The following ZNF717 variants were observed in gnomAD, a reference collection of about 807,000 sequenced individuals.
The protein encoded by ZNF717 is krueppel-like factor X17.
In ZNF717, 9 loss-of-function variants were observed where a neutral mutation model predicts 13.8. That is an observed-to-expected ratio of 0.65 (90% CI 0.39 to 1.14). The LOEUF is 1.14. ZNF717 is among the 50% of genes most tolerant of loss of function. The probability of loss-of-function intolerance (pLI) is 0.01; values close to 1 mark genes in which losing one functional copy is unlikely to be tolerated. For missense variants in ZNF717, 1,040 were observed against 1,080.7 expected (o/e 0.96, Z 0.53); for synonymous variants, 327 against 364.1 (o/e 0.90, Z 1.16).
intron 4 of ZNF717, among the ~76,000 whole-genome samples, chr3:75,722,195 G>A (rs370200378): frequency 1.3e-5 from 2 of 152,110 alleles, no homozygotes; most frequent in Non-Finnish European, 2.9e-5. Context: ...AGGAGGTGGA[G>A]GTCGCAGTGA....
At chr3:75,713,772 A>T (rs3009064) in intron 5 of ZNF717, among the ~76,000 whole-genome samples, 1 of 151,818 alleles carries the variant, frequency 6.6e-6, no homozygotes, top group Admixed American at 6.5e-5. Flanking sequence ...AAGAAAAGAC[A>T]GCTGGGCCCA....
downstream of ZNF717, among the ~76,000 whole-genome samples, chr3:75,729,586 G>A (rs376382351): frequency 7.4e-6 from 1 of 135,678 alleles, no homozygotes; most frequent in East Asian, 2.3e-4. Flanking sequence ...TTGCACTCCA[G>A]CCTGGGTGAC....
chr3:75,764,090 T>G (rs1312286671), intron 2 of ZNF717, among the ~76,000 whole-genome samples: 3 of 152,186 alleles, frequency 2.0e-5, no homozygotes, highest in African/African-American at 7.2e-5. Context: ...GATTCCCAGA[T>G]ATAGATGGAA....
downstream of ZNF717, among the ~76,000 whole-genome samples, chr3:75,706,790 T>C (rs1309280912): frequency 4.6e-5 from 7 of 152,268 alleles, no homozygotes; most frequent in Middle Eastern, 3.4e-3. Context: ...AGTATTAACT[T>C]CATATTAGGT....
intron 2 of ZNF717, among the ~76,000 whole-genome samples, chr3:75,759,405 A>G (rs1280518782): frequency 2.0e-5 from 3 of 151,078 alleles, no homozygotes; most frequent in Admixed American, 6.6e-5. Context: ...CCTCCGGAGT[A>G]GCTGGAAGTA....
At chr3:75,723,873 G>A (rs1162996753) in intron 4 of ZNF717, among the ~76,000 whole-genome samples, 2 of 152,176 alleles carry the variant, frequency 1.3e-5, no homozygotes, top group African/African-American at 4.8e-5. Context: ...TTTTGTGGAA[G>A]GCAACATCAG....
chr3:75,712,737 T>C (rs1321768441), intron 5 of ZNF717, among the ~76,000 whole-genome samples: 2 of 152,214 alleles, frequency 1.3e-5, no homozygotes, highest in African/African-American at 4.8e-5. Flanking sequence ...TCAATAACTT[T>C]CTTCACATCT....
intron 4 of ZNF717, among the ~76,000 whole-genome samples, chr3:75,724,060 C>T (rs141189213): frequency 5.3e-5 from 8 of 151,962 alleles, no homozygotes; most frequent in Non-Finnish European, 1.5e-5. Context: ...GAAATAATGG[C>T]GTAAGCTGTC....
chr3:75,747,309 G>C (rs556642285), intron 2 of ZNF717, among the ~76,000 whole-genome samples: 1 of 152,268 alleles, frequency 6.6e-6, no homozygotes, highest in South Asian at 2.1e-4. Context: ...CTCCAGCTTT[G>C]TTCTTTTGGC....
Position 75,737,863 on chromosome 3 carries a change from C to T in ZNF717, c.1760G>A (p.Gly587Asp). The T allele has an allele frequency of 1.3e-6, 2 of 1,546,494 alleles. No homozygotes were observed. Among genetic ancestry groups the T allele is most frequent in the Non-Finnish European group, 1.7e-6 (2 of 1,143,592 alleles). The change falls in exon 5 of 5, where the codon GGC (glycine) becomes GAC (aspartate). Residue 587 changes from glycine to aspartate, a missense_variant. By Grantham distance (94) the Gly-to-Asp change is moderately conservative. Coordinates refer to ENST00000652011, the MANE Select transcript of ZNF717 (RefSeq NM_001290208.3). ...FLTIHQRTHA[G>D]KKPYECNECE... is the part of the protein sequence containing the mutation. The stretch of plus-strand genomic sequence containing the variant: ...TTCATTACATTCATAGGGTTTTTTG[C>T]CAGCATGAGTTCTCTGATGTATAGT...
exon 6 of ZNF717, chr3:75,730,508 A>C: frequency 1.6e-6 from 1 of 619,808 alleles, no homozygotes; most frequent in East Asian, 3.0e-5. Context: ...TGATGGCCAG[A>C]AGTGATACAG....
intron 2 of ZNF717, among the ~76,000 whole-genome samples, chr3:75,773,757 C>CA (rs896635290): frequency 2.9e-4 from 23 of 79,890 alleles, no homozygotes; most frequent in East Asian, 6.8e-4. Context: ...CTATCTTTAA[C>CA]AAAAAAAAAT....
chr3:75,726,024 G>T (rs1938272193), downstream of ZNF717, among the ~76,000 whole-genome samples: 1 of 152,208 alleles, frequency 6.6e-6, no homozygotes, highest in Non-Finnish European at 1.5e-5. Context: ...GGCTCATTAT[G>T]AAACCCATCT....
At chr3:75,778,543 A>G (rs1018996494) in intron 2 of ZNF717, among the ~76,000 whole-genome samples, 1 of 151,834 alleles carries the variant, frequency 6.6e-6, no homozygotes, top group African/African-American at 2.4e-5. Flanking sequence ...GAAACCCAAA[A>G]CAGTGGGAGT....
intron 2 of ZNF717, among the ~76,000 whole-genome samples, chr3:75,760,030 CTTTCTTCT>C (rs1942844478): frequency 6.6e-6 from 1 of 151,846 alleles, no homozygotes; most frequent in Admixed American, 6.5e-5. Context: ...GAAATTTTTT[CTTTCTTCT>C]TTTTTTTTGA....
At chr3:75,775,131 T>A (rs1944211043) in intron 2 of ZNF717, among the ~76,000 whole-genome samples, 1 of 79,224 alleles carries the variant, frequency 1.3e-5, no homozygotes, top group South Asian at 3.5e-4. Context: ...CAGGCTAATT[T>A]TTTTTTATTT....
intron 4 of ZNF717, among the ~76,000 whole-genome samples, chr3:75,724,310 T>G (rs1315297961): frequency 6.6e-6 from 1 of 152,088 alleles, no homozygotes; most frequent in Non-Finnish European, 1.5e-5. Flanking sequence ...TCTTGTGTCT[T>G]TATTTCTATG....
At chr3:75,704,140 A>G in intron 6 of ZNF717, among the ~76,000 whole-genome samples, 1 of 152,308 alleles carries the variant, frequency 6.6e-6, no homozygotes, top group Non-Finnish European at 1.5e-5. Context: ...TTCTCTTTAT[A>G]GTTACTTATA....
intron 5 of ZNF717, among the ~76,000 whole-genome samples, chr3:75,712,958 T>C (rs909992189): frequency 4.0e-4 from 21 of 52,750 alleles, no homozygotes; most frequent in Non-Finnish European, 5.2e-4. Flanking sequence ...ATTATATATA[T>C]TAGTTAGGCT....
Sources: allele counts gnomAD v4.1 joint callset (sites outside exome capture counted in the v4.1 genomes callset), GRCh38; gene constraint gnomAD v4.1.1; transcripts MANE v1.5; gene names NCBI Gene and HGNC (gene_info 2026-07-23, HGNC 2026-07-21).